Variants in ANKRD28 observed in about 807,000 individuals in gnomAD.
ANKRD28 encodes serine/threonine-protein phosphatase 6 regulatory ankyrin repeat subunit A.
In ANKRD28, 44 loss-of-function variants were observed where a neutral mutation model predicts 126.5. The observed-to-expected ratio is 0.35, with a 90% CI of 0.27 to 0.45. The LOEUF is 0.45. ANKRD28 is among the 20% of genes least tolerant of loss of function. ANKRD28 has a pLI of 1.00. For synonymous variants in ANKRD28, 442 were observed against 468.5 expected, an observed-to-expected ratio of 0.94 and a Z score of 0.73; for missense variants, 1,110 against 1,316.6, an observed-to-expected ratio of 0.84 and a Z score of 2.43.
At chr3:15,724,624 G>T in intron 6 of ANKRD28, 100 bp from the exon 7 acceptor site, 1 of 1,064,878 alleles carries the variant, frequency 9.4e-7, no homozygotes, top group Non-Finnish European at 1.3e-6. Context: ...ATGCAAAATA[G>T]ATGATGCATG....
intron 14 of ANKRD28, among the ~76,000 whole-genome samples, chr3:15,701,379 T>A (rs1026707121): frequency 5.3e-5 from 8 of 152,192 alleles, no homozygotes; most frequent in African/African-American, 1.9e-4. Context: ...GTGCAGTGGC[T>A]CATGCCTGTA....
chr3:15,780,975 GGCGGGGAAGC>G, intron 2 of ANKRD28, among the ~76,000 whole-genome samples: 1 of 151,884 alleles, frequency 6.6e-6, no homozygotes, highest in South Asian at 2.1e-4. Flanking sequence ...CTATAAACAA[GGCGGGGAAGC>G]ACCACAATAC....
chr3:15,836,646 T>TACCC (rs1559586647), intron 1 of ANKRD28, among the ~76,000 whole-genome samples: 3 of 152,206 alleles, frequency 2.0e-5, no homozygotes, highest in Admixed American at 2.0e-4. Context: ...ACACAAAGAA[T>TACCC]ACCCATAAGA....
At chr3:15,783,953 G>A (rs1436850233) in intron 2 of ANKRD28, among the ~76,000 whole-genome samples, 1 of 151,662 alleles carries the variant, frequency 6.6e-6, no homozygotes, top group African/African-American at 2.4e-5. Context: ...ACCCACACAG[G>A]GGCTAAGATA....
chr3:15,827,699 G>T (rs1029006539), intron 1 of ANKRD28, among the ~76,000 whole-genome samples: 4 of 152,154 alleles, frequency 2.6e-5, no homozygotes, highest in Non-Finnish European at 5.9e-5. Flanking sequence ...CCTTGGCTAT[G>T]GCACCAGAAC....
chr3:15,849,293 C>A (rs2061588841), intron 1 of ANKRD28, among the ~76,000 whole-genome samples: 1 of 152,044 alleles, frequency 6.6e-6, no homozygotes, highest in African/African-American at 2.4e-5. Flanking sequence ...GAAATTGACC[C>A]ATGGATGCTA....
In ANKRD28 at chr3:15,715,934, C is replaced by T. The variant is rs2072955924; in HGVS notation, c.997-1278G>A. Among the ~76,000 whole-genome samples the T allele has an allele frequency of 4.6e-5, 7 of 151,210 alleles. No individual in the cohort carries two copies. The South Asian group carries it at 1.5e-3, about 31-fold the overall frequency. ...AGGATTCTGTCTTTCCAAAATGTTC[C>T]AGATAGGATATATCCTAATTTTTAA... is the stretch of plus-strand genomic sequence containing the variant. On this transcript the variant is annotated intron_variant, in intron 8 of 27. Transcript: ENST00000683139.
chr3:15,679,668 A>G, intron 21 of ANKRD28, 105 bp from the exon 22 acceptor site: 2 of 820,544 alleles, frequency 2.4e-6, no homozygotes, highest in Non-Finnish European at 3.9e-6. Context: ...TCTCTCCCTC[A>G]TCCCATCTCC....
intron 27 of ANKRD28, 54 bp downstream of exon 27, chr3:15,675,843 TG>T: frequency 7.3e-7 from 1 of 1,372,410 alleles, no homozygotes; most frequent in East Asian, 2.4e-5. Context: ...TCTTCAAATA[TG>T]GATCAAAAGA....
At chr3:15,775,600 G>A (rs2059225488) in intron 2 of ANKRD28, among the ~76,000 whole-genome samples, 1 of 152,140 alleles carries the variant, frequency 6.6e-6, no homozygotes, top group African/African-American at 2.4e-5. Context: ...GGTTTGATTA[G>A]TTTGCTAGAG....
Position 15,737,266 on chromosome 3 carries a change from G to A in ANKRD28, c.352-33C>T, listed in dbSNP as rs747070805. 30 of 1,564,668 alleles carry A rather than the reference G, an allele frequency of 1.9e-5. No homozygotes were observed. The Admixed American group carries it at 4.4e-4, about 23-fold the overall frequency. On this transcript the variant is annotated intron_variant, in intron 4 of 27. Coordinates refer to ENST00000683139, the MANE Select transcript of ANKRD28 (RefSeq NM_001349278.2). ...ATATGAAAAGTTATAAAAGACAAAT[G>A]AGTTAAGAGTTTGAGAAATTATTTC...
chr3:15,814,458 T>C lies in ANKRD28; in HGVS notation c.28-19152A>G, dbSNP rs535253886. ...ACTTTGGATTTTATTAATTCAGAAT[T>C]TACTTTTATCCTTCTATCAAGAAAA... On this transcript the variant is annotated intron_variant, in intron 1 of 27. Coordinates refer to the ANKRD28 transcript ENST00000399451. The surrounding 1 kb of genome is among the most constrained non-coding windows in gnomAD (Gnocchi z 4.7). The C allele has an allele frequency of 5.1e-4, 148 of 291,028 alleles. 1 individual carries two copies. The highest frequency in any genetic ancestry group is 3.2e-3 in the African/African-American group (141 of 44,110). The allele number at this position is 291,028 out of a possible 1,614,324, so 18.0% of individuals were successfully genotyped here.
chr3:15,810,671 G>A (rs2060692887), intron 1 of ANKRD28, among the ~76,000 whole-genome samples: 1 of 149,722 alleles, frequency 6.7e-6, no homozygotes, highest in Admixed American at 6.6e-5. Flanking sequence ...AGTTAGGTCA[G>A]TGGCAGGATT....
chr3:15,804,958 T>C lies in ANKRD28; in HGVS notation c.28-9652A>G, dbSNP rs751428905. On this transcript the variant is annotated intron_variant, in intron 1 of 27. Coordinates refer to the ANKRD28 transcript ENST00000399451. Reference sequence around the variant, plus strand: ...GACTAGTAACATTTTAACACTATAATGGGGGACTAGAAGAATGCTGACTTT... The same window carrying C: ...GACTAGTAACATTTTAACACTATAACGGGGGACTAGAAGAATGCTGACTTT... Among the ~76,000 whole-genome samples, 14 of 144,990 alleles carry C rather than the reference T, an allele frequency of 9.7e-5. 1 individual carries two copies. Among genetic ancestry groups the C allele is most frequent in the Non-Finnish European group, 2.1e-4 (14 of 67,094 alleles).
chr3:15,731,785 G>A (rs1020275487), intron 6 of ANKRD28: 1 of 141,894 alleles, frequency 7.0e-6, no homozygotes, highest in Non-Finnish European at 1.5e-5. Flanking sequence ...GGGAGGCGGA[G>A]GTTGCAGTGA....
intron 1 of ANKRD28, among the ~76,000 whole-genome samples, chr3:15,824,056 T>C (rs2061004663): frequency 6.6e-6 from 1 of 152,230 alleles, no homozygotes; most frequent in African/African-American, 2.4e-5. Context: ...AAGTTTTAAC[T>C]AGATCAACTA....
chr3:15,685,122 C>G lies in ANKRD28; in HGVS notation c.2389+104G>C, dbSNP rs527266555. The G allele has an allele frequency of 5.0e-6, 6 of 1,196,028 alleles. No homozygotes were observed. The African/African-American group carries it at 7.5e-5, about 15-fold the overall frequency. The allele number at this position is 1,196,028 out of a possible 1,614,324, so 74.1% of individuals were successfully genotyped here. A position where few individuals can be genotyped will look rare whatever the true frequency, so the allele number is the denominator to read the frequency against. On this transcript the variant is annotated intron_variant, in intron 21 of 27. Transcript: ENST00000683139. Reference sequence around the variant, plus strand: ...GTGAGCCTATACAGTAGATTATTCCCAAGGTTTTTGCTAATTTTAAACTTA... The same window carrying G: ...GTGAGCCTATACAGTAGATTATTCCGAAGGTTTTTGCTAATTTTAAACTTA...
At chr3:15,850,841 C>G (rs2061637069) in intron 1 of ANKRD28, among the ~76,000 whole-genome samples, 1 of 152,204 alleles carries the variant, frequency 6.6e-6, no homozygotes, top group Non-Finnish European at 1.5e-5. Flanking sequence ...CATGGGAACT[C>G]CAATTTATAG....
At chr3:15,819,417 C>T (rs1012372002) in intron 1 of ANKRD28, among the ~76,000 whole-genome samples, 2 of 152,156 alleles carry the variant, frequency 1.3e-5, no homozygotes, top group Non-Finnish European at 2.9e-5. Context: ...AAAGGCAGTT[C>T]AAGACAGTAA....
Sources: gnomAD v4.1 joint callset for allele counts (sites outside exome capture counted in the v4.1 genomes callset) on GRCh38, gnomAD v4.1.1 for gene constraint, Gnocchi (gnomAD v3.1) non-coding constraint, MANE v1.5 for transcripts, NCBI Gene and HGNC (gene_info 2026-07-23, HGNC 2026-07-21) for gene names.